The following TMEM236 variants were observed in gnomAD, a reference collection of about 807,000 sequenced individuals.
TMEM236 encodes transmembrane protein 236.
TMEM236 carries 11 observed loss-of-function variants against 14.7 expected under a neutral mutation model. That is an observed-to-expected ratio of 0.75 (90% confidence interval 0.47 to 1.24). TMEM236 has a LOEUF of 1.24. Among genes scored for constraint, TMEM236 ranks in the 50% most tolerant of loss-of-function variants. The probability of loss-of-function intolerance (pLI) is 0.00; values close to 1 mark genes in which losing one functional copy is unlikely to be tolerated. For synonymous variants in TMEM236, 182 were observed against 168.6 expected, an observed-to-expected ratio of 1.08 and a Z score of -0.62; for missense variants, 464 against 427.3, an observed-to-expected ratio of 1.09 and a Z score of -0.76.
chr10:17,779,884 T>C (rs1837719921), intron 3 of TMEM236, among the ~76,000 whole-genome samples: 1 of 152,144 alleles, frequency 6.6e-6, no homozygotes, highest in African/African-American at 2.4e-5. Flanking sequence ...TAAATGCTGT[T>C]GGTGCTGCTG....
At chr10:17,766,367 G>C (rs1554834323) in intron 1 of TMEM236, among the ~76,000 whole-genome samples, 5 of 152,084 alleles carry the variant, frequency 3.3e-5, no homozygotes, top group Non-Finnish European at 1.5e-5. Flanking sequence ...CCTATAATAT[G>C]TTCCTCATTT....
At chr10:17,775,125 C>A (rs1290966446) in intron 2 of TMEM236, among the ~76,000 whole-genome samples, 1 of 152,072 alleles carries the variant, frequency 6.6e-6, no homozygotes, top group Non-Finnish European at 1.5e-5. Flanking sequence ...CATTCTCTGG[C>A]GCATTACCCT....
intron 1 of TMEM236, among the ~76,000 whole-genome samples, chr10:17,768,086 G>T (rs74401088): frequency 0.34 from 31,304 of 92,776 alleles, 5,526 homozygotes; most frequent in African/African-American, 0.46. Flanking sequence ...AATTTTTGTG[G>T]TTTTTTTTTT....
chr10:17,770,663 G>A (rs932222267), intron 1 of TMEM236, among the ~76,000 whole-genome samples: 1 of 152,200 alleles, frequency 6.6e-6, no homozygotes, highest in South Asian at 2.1e-4. Context: ...GATTACAGGC[G>A]TGAGCCACCG....
At position 17,797,912 on chromosome 10, in the gene TMEM236, A is replaced by T. The variant is rs1211605115; in HGVS notation, c.*1408A>T. ...GAATATTTTATTTGTGGAATTTGAT[A>T]CTTTGATAAATAATCAAAGTACAAG... On this transcript the variant is annotated 3_prime_UTR_variant, in exon 4 of 4. Coordinates refer to ENST00000377495, the MANE Select transcript of TMEM236 (RefSeq NM_001098844.3). 5 of 152,262 alleles carry T rather than the reference A, an allele frequency of 3.3e-5. No homozygotes were observed. The highest frequency in any genetic ancestry group is 7.3e-5 in the Non-Finnish European group (5 of 68,060). 9.4% of individuals were successfully genotyped at this position (152,262 alleles called of 1,614,324 possible). A position where few individuals can be genotyped will look rare whatever the true frequency, so the allele number is the denominator to read the frequency against.
chr10:17,777,501 C>T (rs1428335673), intron 3 of TMEM236, among the ~76,000 whole-genome samples: 3 of 151,972 alleles, frequency 2.0e-5, no homozygotes, highest in East Asian at 3.9e-4. Context: ...GCTATGTTGC[C>T]TAGGCTGACC....
intron 1 of TMEM236, among the ~76,000 whole-genome samples, chr10:17,762,804 A>G (rs183493783): frequency 4.3e-4 from 65 of 151,394 alleles, no homozygotes; most frequent in Non-Finnish European, 7.1e-4. Context: ...ACAGGTGTGC[A>G]CTATGACACC....
chr10:17,759,891 G>C (rs1837331058), intron 1 of TMEM236, among the ~76,000 whole-genome samples: 1 of 146,604 alleles, frequency 6.8e-6, no homozygotes, highest in Admixed American at 7.0e-5. Context: ...GCTGAGGCAG[G>C]AGAATGGCGT....
rs2131739960 is a variant in TMEM236, at chr10:17,757,818, G to C, written c.257+5266G>C. ...AAGTCTTACTCTGTTGCCCAGGCTA[G>C]AATGCAGTGGCATGATATCCGCTCA... On this transcript the variant is annotated intron_variant, in intron 1 of 3. Transcript: ENST00000377495. 3.3e-5 allele frequency among the ~76,000 whole-genome samples: 5 copies of C among 152,152 alleles called. No homozygotes were observed. The East Asian group carries it at 9.7e-4, about 29-fold the overall frequency.
intron 1 of TMEM236, among the ~76,000 whole-genome samples, chr10:17,758,596 C>A (rs1168419169): frequency 6.6e-6 from 1 of 152,112 alleles, no homozygotes; most frequent in African/African-American, 2.4e-5. Context: ...GTGTAAAGTT[C>A]CTAGCATAGC....
At chr10:17,788,218 A>T (rs1280090262) in intron 3 of TMEM236, among the ~76,000 whole-genome samples, 2 of 150,936 alleles carry the variant, frequency 1.3e-5, no homozygotes, top group African/African-American at 4.8e-5. Context: ...AAATAATATA[A>T]TTACTTTTGT....
Position 17,798,840 on chromosome 10 carries a change from T to C in TMEM236, c.*2336T>C, listed in dbSNP as rs1298916573. On this transcript the variant is annotated 3_prime_UTR_variant, in exon 4 of 4. Transcript: ENST00000377495. ...ACATTTTCTGGCAAACCATAATAAC[T>C]TGATAAATGCTAAGCATTGGAACGG... 2 of 383,036 alleles carry C rather than the reference T, an allele frequency of 5.2e-6. No homozygotes were observed. The highest frequency in any genetic ancestry group is 3.4e-5 in the Admixed American group (1 of 29,062). 23.7% of individuals were successfully genotyped at this position (383,036 alleles called of 1,614,324 possible).
At position 17,754,527 on chromosome 10, in the gene TMEM236, A is replaced by T. The variant is rs1837255211; in HGVS notation, c.257+1975A>T. On this transcript the variant is annotated intron_variant, in intron 1 of 3. Transcript: ENST00000377495. ...TTTTTTATAAAGATGAGGTTTTGCC[A>T]CATTGCTCAGGCTGGTTCCAAACTC... Among the ~76,000 whole-genome samples the T allele has an allele frequency of 2.0e-5, 3 of 152,218 alleles. No homozygotes were observed. The South Asian group carries it at 6.2e-4, about 32-fold the overall frequency.
chr10:17,756,096 G>A (rs1053847816), intron 1 of TMEM236, among the ~76,000 whole-genome samples: 3 of 152,178 alleles, frequency 2.0e-5, no homozygotes, highest in East Asian at 3.9e-4. Flanking sequence ...GTGAGACCTC[G>A]TCTCTACAAA....
chr10:17,776,767 C>G (rs1738081109), intron 3 of TMEM236, among the ~76,000 whole-genome samples: 1 of 151,848 alleles, frequency 6.6e-6, no homozygotes, highest in South Asian at 2.1e-4. Flanking sequence ...AGACACCATC[C>G]CTATAAAAAA....
chr10:17,771,006 A>T (rs2131748789), intron 1 of TMEM236, among the ~76,000 whole-genome samples: 1 of 152,314 alleles, frequency 6.6e-6, no homozygotes. Context: ...CTTGGGCAGG[A>T]TTTTAATTAA....
intron 1 of TMEM236, among the ~76,000 whole-genome samples, chr10:17,763,706 G>A (rs1837413189): frequency 6.6e-6 from 1 of 152,180 alleles, no homozygotes; most frequent in Non-Finnish European, 1.5e-5. Context: ...TGAGTATGAG[G>A]AATGAGTTGA....
At chr10:17,753,260 T>C (rs1322800314) in intron 1 of TMEM236, among the ~76,000 whole-genome samples, 11 of 152,204 alleles carry the variant, frequency 7.2e-5, no homozygotes, top group African/African-American at 2.7e-4. Flanking sequence ...TGTTTGTCTG[T>C]TGTTTGACTT....
At chr10:17,790,201 C>T (rs980093865) in intron 3 of TMEM236, among the ~76,000 whole-genome samples, 2 of 151,862 alleles carry the variant, frequency 1.3e-5, no homozygotes, top group Non-Finnish European at 2.9e-5. Flanking sequence ...CTGCACTCCA[C>T]TCTGGGTAGA....
Sources: allele counts gnomAD v4.1 joint callset (sites outside exome capture counted in the v4.1 genomes callset), GRCh38; gene constraint gnomAD v4.1.1; transcripts MANE v1.5; gene names NCBI Gene and HGNC (gene_info 2026-07-23, HGNC 2026-07-21).